The following ACTN2 variants were observed in gnomAD, a reference collection of about 807,000 sequenced individuals.
ACTN2 encodes the protein alpha-actinin-2.
A neutral mutation model predicts 113.8 loss-of-function variants in ACTN2; 39 were observed. The ratio of observed to expected loss-of-function variants is 0.34; its 90% CI spans 0.27 to 0.45. The LOEUF (loss-of-function observed/expected upper bound fraction) is 0.45. Among genes scored for constraint, ACTN2 ranks in the 20% least tolerant of loss-of-function variants. The pLI, the probability that ACTN2 is intolerant of heterozygous loss-of-function variation, is 1.00. For missense variants in ACTN2, 992 were observed against 1,177.9 expected (o/e 0.84, Z 2.31); for synonymous variants, 429 against 444.1 (o/e 0.97, Z 0.43).
At chr1:236,687,610 A>C (rs1665922486) in intron 1 of ACTN2, among the ~76,000 whole-genome samples, 2 of 152,260 alleles carry the variant, frequency 1.3e-5, no homozygotes, top group Admixed American at 1.3e-4. Context: ...GGTTATGGCA[A>C]AAGCCAAACG....
intron 8 of ACTN2, chr1:236,736,481 T>A: frequency 1.1e-6 from 1 of 916,498 alleles, no homozygotes; most frequent in South Asian, 1.6e-5. Context: ...TCAAGGCGCT[T>A]TGCCACTCCT....
chr1:236,716,640 T>A (rs185082889), intron 1 of ACTN2, among the ~76,000 whole-genome samples: 1 of 152,178 alleles, frequency 6.6e-6, no homozygotes, highest in East Asian at 1.9e-4. Flanking sequence ...AATATGCTTG[T>A]AGGAGGTTAT....
rs566299699 is a variant in ACTN2 at position 236,712,157 on chromosome 1, G to A, written c.127-5701G>A. Among the ~76,000 whole-genome samples the A allele has an allele frequency of 2.0e-5, 3 of 152,260 alleles. No individual in the cohort carries two copies. In the South Asian group the frequency reaches 6.2e-4, roughly 32 times the overall value. On this transcript the variant is annotated intron_variant, in intron 1 of 20. Coordinates refer to ENST00000366578, the MANE Select transcript of ACTN2 (RefSeq NM_001103.4). ...AAGAAGGCTTCGGCTCAAATGTGTGGGGTTTTGTTGCTACTGTTGTTTTTA... is the reference window on the plus strand; with the variant it reads ...AAGAAGGCTTCGGCTCAAATGTGTGAGGTTTTGTTGCTACTGTTGTTTTTA...
rs1328325458 is a variant in ACTN2, at chr1:236,762,992, A to T, written c.*373A>T. ...CCCAAGATTTAAGACCGGGGGGAAA[A>T]AACCACAAATTGGTAAATAAAGGTT... On this transcript the variant is annotated 3_prime_UTR_variant, in exon 21 of 21. Transcript: ENST00000366578. 3.1e-6 allele frequency: 1 copy of T among 322,754 alleles called. No homozygotes were observed. The highest frequency in any genetic ancestry group is 6.0e-6 in the Non-Finnish European group (1 of 167,182). 20.0% of individuals were successfully genotyped at this position (322,754 alleles called of 1,614,324 possible).
chr1:236,686,860 G>A (rs1322497371), intron 1 of ACTN2, 61 bp downstream of exon 1: 3 of 1,311,450 alleles, frequency 2.3e-6, no homozygotes, highest in Non-Finnish European at 2.9e-6. Flanking sequence ...CGGGGCTCCC[G>A]TGCGCGTGGC....
chr1:236,735,589 GGT>G (rs144987681), intron 7 of ACTN2, 44 bp from the exon 8 acceptor site: 310 of 1,428,744 alleles, frequency 2.2e-4, no homozygotes, highest in Non-Finnish European at 2.7e-4. Context: ...GTATGTGTGT[GGT>G]GTGTGTGTGT....
chr1:236,715,627 A>G (rs1658177404), intron 1 of ACTN2, among the ~76,000 whole-genome samples: 1 of 152,188 alleles, frequency 6.6e-6, no homozygotes, highest in South Asian at 2.1e-4. Context: ...ACTTCTGGCT[A>G]GGAGCTACCA....
chr1:236,690,026 G>A (rs1666025161), intron 1 of ACTN2, among the ~76,000 whole-genome samples: 1 of 152,190 alleles, frequency 6.6e-6, no homozygotes, highest in Non-Finnish European at 1.5e-5. Context: ...TCAGTCCGTG[G>A]CTTGATGATA....
intron 1 of ACTN2, among the ~76,000 whole-genome samples, chr1:236,688,091 G>C (rs1665939755): frequency 1.3e-5 from 2 of 152,138 alleles, no homozygotes; most frequent in South Asian, 4.1e-4. Flanking sequence ...AAGGAAGTAC[G>C]AGGCATGAGG....
chr1:236,749,324 A>T, intron 14 of ACTN2, 60 bp downstream of exon 14: 1 of 1,604,286 alleles, frequency 6.2e-7, no homozygotes, highest in Non-Finnish European at 8.5e-7. Context: ...ATTTAAACTT[A>T]AGAGTCCTGT....
At position 236,761,177 on chromosome 1, in the gene ACTN2, T is replaced by C; in HGVS notation, c.2526+4T>C. On this transcript the variant is annotated splice_donor_region_variant and intron_variant, in intron 20 of 20. Transcript: ENST00000366578. ...CCGGATCCTGGCTTCTGATAAGGTC[T>C]GCATTGACAGATTTCCTTCTGCTTT... 6.2e-7 allele frequency: 1 copy of C among 1,614,126 alleles called. No homozygotes were observed. Among genetic ancestry groups the C allele is most frequent in the Non-Finnish European group, 8.5e-7 (1 of 1,180,026 alleles).
intron 4 of ACTN2, among the ~76,000 whole-genome samples, chr1:236,724,838 C>CTT (rs5781922): frequency 1.6e-4 from 13 of 81,614 alleles, no homozygotes; most frequent in East Asian, 3.8e-4. Context: ...TGGGTTTTTC[C>CTT]TTTTTTTTTT....
intron 9 of ACTN2, among the ~76,000 whole-genome samples, chr1:236,738,619 C>T (rs1211932154): frequency 2.0e-5 from 3 of 152,108 alleles, no homozygotes; most frequent in Non-Finnish European, 2.9e-5. Context: ...ATTTTTCATT[C>T]GAATCTGCTG....
chr1:236,698,352 ATATTG>A (rs1210114241), intron 1 of ACTN2, among the ~76,000 whole-genome samples: 1 of 152,214 alleles, frequency 6.6e-6, no homozygotes, highest in Non-Finnish European at 1.5e-5. Flanking sequence ...GTTTTAAAAC[ATATTG>A]TAGATGTTTT....
At chr1:236,702,941 A>G (rs1657719671) in intron 1 of ACTN2, among the ~76,000 whole-genome samples, 1 of 152,224 alleles carries the variant, frequency 6.6e-6, no homozygotes, top group Admixed American at 6.5e-5. Context: ...TAGTAGCAGT[A>G]TGGTGAACTT....
chr1:236,688,811 C>A (rs1019322831), intron 1 of ACTN2, among the ~76,000 whole-genome samples: 1 of 152,100 alleles, frequency 6.6e-6, no homozygotes, highest in African/African-American at 2.4e-5. Flanking sequence ...CTATTTATGT[C>A]CCATGAGACA....
intron 18 of ACTN2, among the ~76,000 whole-genome samples, chr1:236,758,004 GA>G (rs1206077023): frequency 6.6e-6 from 1 of 152,110 alleles, no homozygotes; most frequent in African/African-American, 2.4e-5. Flanking sequence ...AACTGTTTAG[GA>G]AAAGCATCTG....
intron 1 of ACTN2, among the ~76,000 whole-genome samples, chr1:236,700,328 A>G (rs893021351): frequency 1.3e-5 from 2 of 152,080 alleles, no homozygotes; most frequent in African/African-American, 2.4e-5. Context: ...GATTACAGGC[A>G]TGCACCACCA....
At position 236,727,817 on chromosome 1, in the gene ACTN2, A is replaced by G. The variant is rs879686120; in HGVS notation, c.615+61A>G. Reference sequence around the variant, plus strand: ...CCACGCGTCTCAGCATGTCCTGCAAATGAGCACATCAGCACTAGCCTAGCA... The same window carrying G: ...CCACGCGTCTCAGCATGTCCTGCAAGTGAGCACATCAGCACTAGCCTAGCA... On this transcript the variant is annotated intron_variant, in intron 6 of 20. Transcript: ENST00000366578. 183 of 1,533,784 alleles carry G rather than the reference A, an allele frequency of 1.2e-4. No individual in the cohort carries two copies. In the Admixed American group the frequency reaches 3.0e-3, roughly 25 times the overall value.
Sources: gnomAD v4.1 joint callset for allele counts (sites outside exome capture counted in the v4.1 genomes callset) on GRCh38, gnomAD v4.1.1 for gene constraint, MANE v1.5 for transcripts, NCBI Gene and HGNC (gene_info 2026-07-23, HGNC 2026-07-21) for gene names.